The following CBLN2 variants were observed in gnomAD, a reference collection of about 807,000 sequenced individuals.
CBLN2 encodes cerebellin 2 precursor, also known as cerebellin-2.
CBLN2 carries 7 observed loss-of-function variants against 15.0 expected under a neutral mutation model. The observed-to-expected ratio is 0.47, with a 90% CI of 0.27 to 0.88. The LOEUF (loss-of-function observed/expected upper bound fraction) is 0.88, where lower values mean the gene tolerates loss of function less well. CBLN2 is among the 40% of genes least tolerant of loss of function. CBLN2 has a pLI of 0.14. For synonymous variants in CBLN2, 149 were observed against 135.2 expected (o/e 1.10, Z -0.71); for missense variants, 242 against 304.5 (o/e 0.79, Z 1.53).
intron 1 of CBLN2, among the ~76,000 whole-genome samples, chr18:72,604,020 C>A (rs951856290): frequency 2.6e-5 from 4 of 152,210 alleles, no homozygotes; most frequent in African/African-American, 9.6e-5. Context: ...TGACTCTCAA[C>A]TTGCGTCCAG....
At chr18:72,600,631 C>G (rs1490655235) in intron 1 of CBLN2, among the ~76,000 whole-genome samples, 10 of 152,052 alleles carry the variant, frequency 6.6e-5, no homozygotes, top group Admixed American at 6.6e-4. Context: ...GGTCTTCCTA[C>G]CCACTACACA....
intron 1 of CBLN2, among the ~76,000 whole-genome samples, chr18:72,576,816 A>G (rs557482844): frequency 4.6e-5 from 7 of 151,168 alleles, no homozygotes; most frequent in Non-Finnish European, 8.9e-5. Flanking sequence ...CTCCATATGT[A>G]AAAAACTACC....
chr18:72,604,303 T>A (rs1240857161), intron 1 of CBLN2, among the ~76,000 whole-genome samples: 1 of 152,190 alleles, frequency 6.6e-6, no homozygotes, highest in Non-Finnish European at 1.5e-5. Context: ...CAAAGGCCTT[T>A]CATAATTTTT....
intron 1 of CBLN2, among the ~76,000 whole-genome samples, chr18:72,560,852 A>G (rs955588331): frequency 2.0e-5 from 3 of 152,052 alleles, no homozygotes; most frequent in African/African-American, 7.2e-5. Flanking sequence ...ACTAAAAAAT[A>G]CAAAAAATTA....
At chr18:72,589,228 A>G (rs556258298) in intron 1 of CBLN2, among the ~76,000 whole-genome samples, 35 of 152,352 alleles carry the variant, frequency 2.3e-4, no homozygotes, top group Non-Finnish European at 4.7e-4. Flanking sequence ...TGTGTGAAAC[A>G]TGGAAATTTT....
chr18:72,610,739 C>T (rs987214544), intron 1 of CBLN2, among the ~76,000 whole-genome samples: 2 of 152,114 alleles, frequency 1.3e-5, no homozygotes, highest in African/African-American at 4.8e-5. Flanking sequence ...TCAAGTGGCT[C>T]ATTTAAAAAT....
At chr18:72,616,657 G>T (rs1221280134) in intron 1 of CBLN2, among the ~76,000 whole-genome samples, 1 of 152,074 alleles carries the variant, frequency 6.6e-6, no homozygotes, top group East Asian at 1.9e-4. Context: ...TGGATTAATG[G>T]TTTACAGAGA....
chr18:72,585,557 G>C (rs1429531070), intron 1 of CBLN2, among the ~76,000 whole-genome samples: 1 of 152,124 alleles, frequency 6.6e-6, no homozygotes, highest in Non-Finnish European at 1.5e-5. Flanking sequence ...CTTCAGAGGG[G>C]AGGAAGTGCA....
At chr18:72,572,967 T>G (rs1017969489) in intron 1 of CBLN2, among the ~76,000 whole-genome samples, 1 of 152,184 alleles carries the variant, frequency 6.6e-6, no homozygotes, top group East Asian at 1.9e-4. Context: ...CAAAACAGAT[T>G]ATCTTGATTA....
chr18:72,568,229 C>G (rs1490210425), intron 1 of CBLN2, among the ~76,000 whole-genome samples: 2 of 152,188 alleles, frequency 1.3e-5, no homozygotes, highest in African/African-American at 4.8e-5. Context: ...CGAATGACCT[C>G]TCTATACTCT....
chr18:72,583,990 G>A (rs1382194444), intron 1 of CBLN2, among the ~76,000 whole-genome samples: 1 of 152,132 alleles, frequency 6.6e-6, no homozygotes, highest in African/African-American at 2.4e-5. Context: ...AAACTGCATC[G>A]TCACTTTGTT....
intron 1 of CBLN2, among the ~76,000 whole-genome samples, chr18:72,556,698 G>A (rs966454359): frequency 6.6e-6 from 1 of 152,154 alleles, no homozygotes; most frequent in Non-Finnish European, 1.5e-5. Flanking sequence ...CAAGGTAAAT[G>A]AGGGTGTTTC....
intron 1 of CBLN2, among the ~76,000 whole-genome samples, chr18:72,625,686 TA>T (rs1212186414): frequency 9.4e-6 from 1 of 106,536 alleles, no homozygotes; most frequent in Non-Finnish European, 1.8e-5. Flanking sequence ...AGTATTATTA[TA>T]TATAGTATTA....
At chr18:72,574,862 G>A (rs1218380422) in intron 1 of CBLN2, among the ~76,000 whole-genome samples, 1 of 152,178 alleles carries the variant, frequency 6.6e-6, no homozygotes, top group African/African-American at 2.4e-5. Context: ...TGATAAATTT[G>A]AAGGGCAAAT....
chr18:72,624,552 A>G (rs1018744494), intron 1 of CBLN2, among the ~76,000 whole-genome samples: 1 of 152,116 alleles, frequency 6.6e-6, no homozygotes, highest in Non-Finnish European at 1.5e-5. Context: ...AGGCACAATA[A>G]TTACTTGAAC....
rs538098384 is a variant in CBLN2 at position 72,602,141 on chromosome 18, C to A, written c.15+36184G>T. On this transcript the variant is annotated intron_variant, in intron 1 of 2. Coordinates refer to the CBLN2 transcript ENST00000581073. ...CAGAACAAAGACATCCCCTTCCGGT[C>A]CCCCCAGAAGTGGTGCTAGTGGGAC... Among the ~76,000 whole-genome samples the A allele has an allele frequency of 2.5e-4, 38 of 152,278 alleles. No individual in the cohort carries two copies. The South Asian group carries it at 7.3e-3, about 29-fold the overall frequency.
chr18:72,573,487 A>G (rs780692187), intron 1 of CBLN2, among the ~76,000 whole-genome samples: 58 of 152,190 alleles, frequency 3.8e-4, no homozygotes, highest in Non-Finnish European at 4.9e-4. Context: ...TCTTTTTACT[A>G]TCTCTACATT....
chr18:72,615,115 A>C (rs2069648978), intron 1 of CBLN2, among the ~76,000 whole-genome samples: 1 of 121,774 alleles, frequency 8.2e-6, no homozygotes, highest in Non-Finnish European at 1.6e-5. Flanking sequence ...ACATTTTAGA[A>C]AATATATATA....
At chr18:72,540,565 G>T (rs1054768060) in intron 3 of CBLN2, among the ~76,000 whole-genome samples, 1 of 152,070 alleles carries the variant, frequency 6.6e-6, no homozygotes, top group Non-Finnish European at 1.5e-5. Context: ...TACTAATAGA[G>T]TATTAGTTCC....
Sources: gnomAD v4.1 joint callset for allele counts (sites outside exome capture counted in the v4.1 genomes callset) on GRCh38, gnomAD v4.1.1 for gene constraint, MANE v1.5 for transcripts, NCBI Gene and HGNC (gene_info 2026-07-23, HGNC 2026-07-21) for gene names.